Variants in ANK3 observed in about 807,000 individuals in gnomAD.
ANK3 encodes the protein ankyrin 3.
A neutral mutation model predicts 370.9 loss-of-function variants in ANK3; 57 were observed. The ratio of observed to expected loss-of-function variants is 0.15; its 90% CI spans 0.12 to 0.19. The LOEUF is 0.19. Ranked by LOEUF, ANK3 falls within the 10% of genes least tolerant of loss-of-function variation. The pLI is 1.00. For synonymous variants in ANK3, 1,929 were observed against 1,946.3 expected (o/e 0.99, Z 0.23); for missense variants, 4,439 against 5,302.1 (o/e 0.84, Z 5.06).
chr10:60,332,804 A>G (rs1001418529), intron 1 of ANK3, among the ~76,000 whole-genome samples: 2 of 152,226 alleles, frequency 1.3e-5, no homozygotes, highest in Non-Finnish European at 2.9e-5. Flanking sequence ...TTTAATTTTG[A>G]CCATTCCAAG....
intron 2 of ANK3, among the ~76,000 whole-genome samples, chr10:60,557,121 T>C (rs1042504373): frequency 6.6e-6 from 1 of 152,202 alleles, no homozygotes; most frequent in Non-Finnish European, 1.5e-5. Flanking sequence ...CTGTACCATA[T>C]GACCATTGAT....
chr10:60,667,190 A>G (rs1345597693), intron 1 of ANK3, among the ~76,000 whole-genome samples: 24 of 564 alleles, frequency 0.043, no homozygotes, highest in Non-Finnish European at 0.12. Context: ...ATATCATATT[A>G]TATTATATTA....
At chr10:60,405,815 C>CA (rs1268092998) in intron 2 of ANK3, among the ~76,000 whole-genome samples, 1 of 152,058 alleles carries the variant, frequency 6.6e-6, no homozygotes, top group African/African-American at 2.4e-5. Context: ...ACAAATACAG[C>CA]AAAATGTTAA....
intron 2 of ANK3, among the ~76,000 whole-genome samples, chr10:60,490,714 T>G (rs2075474492): frequency 6.6e-6 from 1 of 152,224 alleles, no homozygotes; most frequent in South Asian, 2.1e-4. Context: ...TTGCTGTTAT[T>G]TATTCTATCT....
chr10:60,373,072 C>T (rs74707031), intron 1 of ANK3, among the ~76,000 whole-genome samples: 15,880 of 152,218 alleles, frequency 0.1, 897 homozygotes, highest in South Asian at 0.13. Context: ...AAAAGTGATC[C>T]TCTTGCACAT....
intron 2 of ANK3, among the ~76,000 whole-genome samples, chr10:60,406,439 C>T (rs1320737719): frequency 6.6e-6 from 1 of 152,200 alleles, no homozygotes; most frequent in Non-Finnish European, 1.5e-5. Flanking sequence ...TGTTTCACCT[C>T]AGGTCATCAG....
At chr10:60,342,559 A>G (rs1165160776) in intron 1 of ANK3, among the ~76,000 whole-genome samples, 1 of 152,182 alleles carries the variant, frequency 6.6e-6, no homozygotes, top group African/African-American at 2.4e-5. Flanking sequence ...GCAGTACTTA[A>G]TTACATCATG....
intron 27 of ANK3, chr10:60,108,139 G>GAA (rs571065436): frequency 4.6e-4 from 155 of 340,288 alleles, no homozygotes; most frequent in South Asian, 8.0e-4. Flanking sequence ...ATTGAAAATG[G>GAA]AAAAAAAAAA....
intron 1 of ANK3, among the ~76,000 whole-genome samples, chr10:60,386,931 G>A (rs1278158494): frequency 3.3e-5 from 5 of 152,248 alleles, no homozygotes; most frequent in South Asian, 4.1e-4. Context: ...AGGCCTAGGC[G>A]GGTGGATCAC....
intron 8 of ANK3, among the ~76,000 whole-genome samples, chr10:60,231,422 A>G (rs1450623145): frequency 1.3e-5 from 2 of 152,304 alleles, no homozygotes; most frequent in East Asian, 3.9e-4. Context: ...ACGGGGGATA[A>G]GTGTGTACCA....
intron 1 of ANK3, among the ~76,000 whole-genome samples, chr10:60,726,700 T>A (rs542613136): frequency 6.6e-6 from 1 of 152,246 alleles, no homozygotes; most frequent in South Asian, 2.1e-4. Flanking sequence ...TGATAGAAAT[T>A]TTCTAAAATT....
chr10:60,627,230 T>C (rs1439440585), intron 1 of ANK3, among the ~76,000 whole-genome samples: 1 of 152,066 alleles, frequency 6.6e-6, no homozygotes, highest in Non-Finnish European at 1.5e-5. Context: ...ACTCATAACA[T>C]GAAATTACAT....
At chr10:60,472,953 A>G (rs1041663898) in intron 2 of ANK3, among the ~76,000 whole-genome samples, 1 of 152,186 alleles carries the variant, frequency 6.6e-6, no homozygotes, top group South Asian at 2.1e-4. Context: ...CCTGATAACA[A>G]GGGCAGCAAC....
rs551868643 is a variant in ANK3, at chr10:60,572,653, A to G, written c.96+42533T>C. 6.6e-4 allele frequency: 963 copies of G among 1,453,280 alleles called. 2 individuals carry two copies. The highest frequency in any genetic ancestry group is 7.5e-4 in the Non-Finnish European group (830 of 1,111,736). 90.0% of individuals were successfully genotyped at this position (1,453,280 alleles called of 1,614,324 possible). Reference sequence around the variant, plus strand: ...TTTACGGGTGCTCCCCAGGCAAAGCAGCCGCTGCTTAAACCCAGCCCCTGC... The same window carrying G: ...TTTACGGGTGCTCCCCAGGCAAAGCGGCCGCTGCTTAAACCCAGCCCCTGC... On this transcript the variant is annotated intron_variant, in intron 2 of 43. Coordinates refer to the ANK3 transcript ENST00000373827.
chr10:60,729,844 C>T (rs968693068), intron 1 of ANK3, among the ~76,000 whole-genome samples: 5 of 152,124 alleles, frequency 3.3e-5, no homozygotes, highest in Admixed American at 1.3e-4. Context: ...TAAGACCTTC[C>T]TAAGAGAGAA....
At chr10:60,618,681 C>T (rs543478815) in intron 1 of ANK3, among the ~76,000 whole-genome samples, 1 of 152,228 alleles carries the variant, frequency 6.6e-6, no homozygotes, top group African/African-American at 2.4e-5. Flanking sequence ...TGGCCTTCTC[C>T]TTCTTTCTCA....
At chr10:60,046,405 T>A (rs187994868) in intron 42 of ANK3, among the ~76,000 whole-genome samples, 2 of 152,258 alleles carry the variant, frequency 1.3e-5, no homozygotes, top group Non-Finnish European at 2.9e-5. Flanking sequence ...CCCAGGAAAA[T>A]CCCTAAAATG....
chr10:60,724,596 C>T (rs925673678), intron 1 of ANK3, among the ~76,000 whole-genome samples: 1 of 152,142 alleles, frequency 6.6e-6, no homozygotes, highest in Non-Finnish European at 1.5e-5. Flanking sequence ...CATTCTAATT[C>T]TGTAAAAACT....
chr10:60,653,190 G>A (rs1481868301), intron 1 of ANK3, among the ~76,000 whole-genome samples: 2 of 152,048 alleles, frequency 1.3e-5, no homozygotes, highest in African/African-American at 4.8e-5. Context: ...TTGTAGTCAT[G>A]CTTTTTGTGT....
Sources: gnomAD v4.1 joint callset for allele counts (sites outside exome capture counted in the v4.1 genomes callset) on GRCh38, gnomAD v4.1.1 for gene constraint, MANE v1.5 for transcripts, NCBI Gene and HGNC (gene_info 2026-07-23, HGNC 2026-07-21) for gene names.